Variants in ZNF716 observed in about 807,000 individuals in gnomAD.
ZNF716 encodes the protein zinc finger protein 716.
In ZNF716, 9 loss-of-function variants were observed where a neutral mutation model predicts 13.4. The ratio of observed to expected loss-of-function variants is 0.67; its 90% confidence interval spans 0.41 to 1.18. The LOEUF (loss-of-function observed/expected upper bound fraction) is 1.18, where lower values mean the gene tolerates loss of function less well. Ranked by LOEUF, ZNF716 falls within the 50% of genes most tolerant of loss-of-function variation. The probability of loss-of-function intolerance (pLI) is 0.01; values close to 1 mark genes in which losing one functional copy is unlikely to be tolerated. For missense variants in ZNF716, 581 were observed against 576.6 expected (o/e 1.01, Z -0.08); for synonymous variants, 186 against 195.2 (o/e 0.95, Z 0.39).
intron 1 of ZNF716, among the ~76,000 whole-genome samples, chr7:57,458,309 A>G (rs1789640824): frequency 6.6e-6 from 1 of 152,214 alleles, no homozygotes; most frequent in Non-Finnish European, 1.5e-5. Flanking sequence ...CAACCTCACA[A>G]ACCTCTGGTT....
chr7:57,464,143 T>C (rs13246254), intron 3 of ZNF716, among the ~76,000 whole-genome samples: 97,863 of 127,996 alleles, frequency 0.76, 38,122 homozygotes, highest in East Asian at 0.89. Context: ...TTTTTTGAGA[T>C]GGAGTTTCAC....
intron 1 of ZNF716, among the ~76,000 whole-genome samples, chr7:57,455,426 A>G (rs1172380785): frequency 6.6e-6 from 1 of 152,224 alleles, no homozygotes. Flanking sequence ...TGGCTATGTG[A>G]TAAGTAAGAA....
chr7:57,470,062 C>A lies in ZNF716; in HGVS notation c.*113C>A. Reference sequence around the variant, plus strand: ...TTCTTTAACCAGTTCCAAACCACTGCTGTCCATAAGATAATTCATATTGGA... The same window carrying A: ...TTCTTTAACCAGTTCCAAACCACTGATGTCCATAAGATAATTCATATTGGA... On this transcript the variant is annotated 3_prime_UTR_variant, in exon 4 of 4. Coordinates refer to ENST00000420713, the MANE Select transcript of ZNF716 (RefSeq NM_001159279.1). 9.7e-7 allele frequency: 1 copy of A among 1,034,894 alleles called. No individual in the cohort carries two copies. Among genetic ancestry groups the A allele is most frequent in the Non-Finnish European group, 1.4e-6 (1 of 727,326 alleles). 64.1% of individuals were successfully genotyped at this position (1,034,894 alleles called of 1,614,324 possible).
chr7:57,469,925 A>G lies in ZNF716; in HGVS notation c.1464A>G (p.Gly488=). 6.4e-7 allele frequency: 1 copy of G among 1,569,566 alleles called. No homozygotes were observed. The highest frequency in any genetic ancestry group is 8.6e-7 in the Non-Finnish European group (1 of 1,157,150). The change falls in exon 4 of 4, where the codon GGA becomes GGG. Residue 488 remains glycine, a synonymous_variant. Coordinates refer to ENST00000420713, the MANE Select transcript of ZNF716 (RefSeq NM_001159279.1). ...SLANHKNMHT[G]EKPYKYE is the part of the protein sequence containing the mutation. ...CTAATCATAAGAATATGCATACTGGAGAGAAACCCTACAAATATGAATAAT... is the reference window on the plus strand; with the variant it reads ...CTAATCATAAGAATATGCATACTGGGGAGAAACCCTACAAATATGAATAAT...
At chr7:57,458,929 C>T (rs73345961) in intron 1 of ZNF716, among the ~76,000 whole-genome samples, 2,728 of 152,174 alleles carry the variant, frequency 0.018, 86 homozygotes, top group African/African-American at 0.062. Flanking sequence ...TAGTGATATA[C>T]TTTTTATTCT....
chr7:57,464,736 T>G (rs1207596893), intron 3 of ZNF716, among the ~76,000 whole-genome samples: 2 of 152,222 alleles, frequency 1.3e-5, no homozygotes, highest in Non-Finnish European at 2.9e-5. Context: ...TCTAAGTATT[T>G]TGTTGAAAAA....
In ZNF716 at chr7:57,463,083, C is replaced by T; in HGVS notation, c.177C>T (p.Val59=). ...YRNLVSLGIA[V]SKPDLITCLE... ...TCCTTAATAAAACAGGTATTGCTGT[C>T]TCTAAGCCAGACTTGATCACCTGTC... Residue 59 remains valine (V), a synonymous_variant, in exon 3 of 4, where the codon GTC becomes GTT. Coordinates refer to ENST00000420713, the MANE Select transcript of ZNF716 (RefSeq NM_001159279.1). The T allele has an allele frequency of 1.2e-6, 2 of 1,610,382 alleles. No homozygotes were observed. Among genetic ancestry groups the T allele is most frequent in the Non-Finnish European group, 1.7e-6 (2 of 1,179,894 alleles).
intron 1 of ZNF716, among the ~76,000 whole-genome samples, chr7:57,452,362 C>T (rs10273228): frequency 0.036 from 5,436 of 151,862 alleles, 309 homozygotes; most frequent in East Asian, 0.24. Context: ...GGGCCGGACG[C>T]GGTGGCTCAT....
chr7:57,459,100 T>C (rs59815435), intron 1 of ZNF716, among the ~76,000 whole-genome samples: 58,413 of 152,128 alleles, frequency 0.38, 11,428 homozygotes, highest in East Asian at 0.51. Flanking sequence ...TTCACATGTT[T>C]TTTGTATTGA....
At chr7:57,460,316 A>T (rs548941972) in intron 1 of ZNF716, among the ~76,000 whole-genome samples, 1 of 142,122 alleles carries the variant, frequency 7.0e-6, no homozygotes, top group East Asian at 2.2e-4. Flanking sequence ...AATCGCTTGA[A>T]CCCAAGAGGT....
At chr7:57,463,257 TGTA>T in intron 3 of ZNF716, 89 bp downstream of exon 3, 4 of 1,530,632 alleles carry the variant, frequency 2.6e-6, no homozygotes, top group Non-Finnish European at 2.6e-6. Context: ...TCTGGGGAGC[TGTA>T]CTTCGATGGA....
intron 1 of ZNF716, among the ~76,000 whole-genome samples, chr7:57,455,409 C>T (rs1168188154): frequency 6.6e-6 from 1 of 152,196 alleles, no homozygotes; most frequent in African/African-American, 2.4e-5. Context: ...TTTCCAGAAT[C>T]TATATCTGGC....
At chr7:57,451,580 T>G (rs1789495872) in intron 1 of ZNF716, among the ~76,000 whole-genome samples, 1 of 151,142 alleles carries the variant, frequency 6.6e-6, no homozygotes, top group African/African-American at 2.4e-5. Context: ...CCTGAGTAGC[T>G]GGGATTACAT....
At position 57,471,110 on chromosome 7, in the gene ZNF716, G is replaced by A. The variant is rs1789926918; in HGVS notation, c.*1161G>A. On this transcript the variant is annotated 3_prime_UTR_variant, in exon 4 of 4. Coordinates refer to ENST00000420713, the MANE Select transcript of ZNF716 (RefSeq NM_001159279.1). ...TTCACATCTTACTCAATATCAGAAA[G>A]TTTATACTTAACAAAAGCATTATAG... 6.6e-6 allele frequency: 1 copy of A among 152,024 alleles called. No individual in the cohort carries two copies. Among genetic ancestry groups the A allele is most frequent in the African/African-American group, 2.4e-5 (1 of 41,404 alleles). The allele number at this position is 152,024 out of a possible 1,614,324, so 9.4% of individuals were successfully genotyped here.
chr7:57,451,322 G>T (rs1789489122), intron 1 of ZNF716, among the ~76,000 whole-genome samples: 1 of 151,416 alleles, frequency 6.6e-6, no homozygotes, highest in South Asian at 2.1e-4. Context: ...AGCTGTAAGA[G>T]ATACATTTGA....
intron 3 of ZNF716, among the ~76,000 whole-genome samples, chr7:57,467,515 T>C (rs4382419): frequency 0.38 from 58,300 of 151,862 alleles, 11,392 homozygotes; most frequent in East Asian, 0.51. Context: ...AGATTTTTTT[T>C]CAGCACTTTG....
chr7:57,468,904 G>A lies in ZNF716; in HGVS notation c.443G>A (p.Cys148Tyr), dbSNP rs377181413. 4.4e-6 allele frequency: 7 copies of A among 1,605,512 alleles called. No individual in the cohort carries two copies. The highest frequency in any genetic ancestry group is 4.3e-6 in the Non-Finnish European group (5 of 1,172,418). Residue 148 changes from cysteine to tyrosine, a missense_variant, in exon 4 of 4, where the codon TGT (cysteine) becomes TAT (tyrosine). Coordinates refer to ENST00000420713, the MANE Select transcript of ZNF716 (RefSeq NM_001159279.1). ...GGAGGTTATAATTATGTTAACCAATGTTTGTCAGCTACCCAAAACAAAACA... is the reference window on the plus strand; with the variant it reads ...GGAGGTTATAATTATGTTAACCAATATTTGTCAGCTACCCAAAACAAAACA... ...HKGGYNYVNQ[C>Y]LSATQNKTFQ...
intron 1 of ZNF716, among the ~76,000 whole-genome samples, chr7:57,453,927 G>A (rs1789540901): frequency 6.6e-6 from 1 of 152,138 alleles, no homozygotes; most frequent in Non-Finnish European, 1.5e-5. Context: ...CCGACTCCCG[G>A]GTTCAAGTGA....
chr7:57,457,999 A>G (rs1167146718), intron 1 of ZNF716, among the ~76,000 whole-genome samples: 2 of 152,218 alleles, frequency 1.3e-5, no homozygotes, highest in Non-Finnish European at 2.9e-5. Context: ...GTTCTTTCTT[A>G]TAACTGCATC....
Sources: gnomAD v4.1 joint callset for allele counts (sites outside exome capture counted in the v4.1 genomes callset) on GRCh38, gnomAD v4.1.1 for gene constraint, MANE v1.5 for transcripts, NCBI Gene and HGNC (gene_info 2026-07-23, HGNC 2026-07-21) for gene names.